TEX11: variants seen among roughly 807,000 people sequenced by gnomAD.
TEX11 encodes the protein testis-expressed protein 11.
In TEX11, 7 loss-of-function variants were observed where a neutral mutation model predicts 84.4. That is an observed-to-expected ratio of 0.08 (90% CI 0.05 to 0.16). The LOEUF (loss-of-function observed/expected upper bound fraction) is 0.16, where lower values mean the gene tolerates loss of function less well. TEX11 is among the 10% of genes least tolerant of loss of function. TEX11 has a pLI of 1.00. For missense variants in TEX11, 551 were observed against 660.5 expected (o/e 0.83, Z 1.82); for synonymous variants, 264 against 222.8 (o/e 1.18, Z -1.64).
intron 22 of TEX11, 104 bp from the exon 23 acceptor site, chrX:70,607,133 A>T: frequency 8.8e-6 from 5 of 570,631 alleles, no homozygotes; most frequent in Non-Finnish European, 5.3e-6. Flanking sequence ...ATATTAACAT[A>T]CTAGTAAGGG....
intron 20 of TEX11, among the ~76,000 whole-genome samples, chrX:70,616,821 A>C (rs1416444747): frequency 1.8e-5 from 2 of 111,532 alleles, no homozygotes; most frequent in African/African-American, 3.3e-5. Context: ...GGAGCCAAAA[A>C]TTAAAACAAT....
At chrX:70,560,375 C>G (rs1473941807) in intron 25 of TEX11, among the ~76,000 whole-genome samples, 1 of 110,843 alleles carries the variant, frequency 9.0e-6, no homozygotes, top group African/African-American at 3.3e-5. Flanking sequence ...GTCTCGAACT[C>G]CCAACCTCAG....
chrX:70,779,468 G>T (rs1278247231), intron 9 of TEX11, among the ~76,000 whole-genome samples: 1 of 91,427 alleles, frequency 1.1e-5, no homozygotes, highest in Non-Finnish European at 2.2e-5. Flanking sequence ...CATCAAAAAA[G>T]AAATATCTCA....
chrX:70,816,317 T>A (rs143199830), intron 8 of TEX11, among the ~76,000 whole-genome samples: 286 of 112,327 alleles, frequency 2.5e-3, no homozygotes, highest in African/African-American at 8.6e-3. Flanking sequence ...CAGTGGCCAC[T>A]TGAATAACAG....
In TEX11 at chrX:70,749,908, C is replaced by G. The variant is rs189676402; in HGVS notation, c.693-5689G>C. On this transcript the variant is annotated intron_variant, in intron 9 of 29. Coordinates refer to ENST00000374333, the MANE Select transcript of TEX11 (RefSeq NM_031276.3). ...CTTTTTTTGTTGTGTCTCTGCCTGG[C>G]TTTGGTATCAAATGGGATCTAATTA... is the stretch of plus-strand genomic sequence containing the variant. Among the ~76,000 whole-genome samples, 56 of 110,588 alleles carry G rather than the reference C, an allele frequency of 5.1e-4. No individual in the cohort carries two copies. In the East Asian group the frequency reaches 0.015, roughly 29 times the overall value.
At chrX:70,734,767 A>T (rs2090682773) in intron 11 of TEX11, among the ~76,000 whole-genome samples, 1 of 111,623 alleles carries the variant, frequency 9.0e-6, no homozygotes, top group Non-Finnish European at 1.9e-5. Context: ...TTATTTTATC[A>T]AGTAACTTCA....
intron 7 of TEX11, among the ~76,000 whole-genome samples, chrX:70,834,689 G>A (rs754150733): frequency 1.2e-3 from 127 of 108,511 alleles, no homozygotes; most frequent in African/African-American, 4.0e-3. Context: ...CCAGCTACTC[G>A]GGAGGCGGAG....
At chrX:70,839,718 T>C (rs2091430018) in intron 7 of TEX11, among the ~76,000 whole-genome samples, 1 of 110,381 alleles carries the variant, frequency 9.1e-6, no homozygotes, top group African/African-American at 3.3e-5. Flanking sequence ...TTCGAACCAA[T>C]AGCAAAGAAG....
intron 18 of TEX11, 21 bp downstream of exon 18, chrX:70,629,590 A>G (rs1478536047): frequency 8.3e-7 from 1 of 1,202,969 alleles, no homozygotes; most frequent in African/African-American, 1.7e-5. Context: ...AAAATCTAGT[A>G]GATGAATACA....
chrX:70,789,784 T>C lies in TEX11; in HGVS notation c.692+16921A>G, dbSNP rs151263501. The stretch of plus-strand genomic sequence containing the variant: ...ACTATATGATGCAGCTTTTGGGTAT[T>C]TACCCCAAATATTTGAAGTCAGTTT... On this transcript the variant is annotated intron_variant, in intron 9 of 29. Transcript: ENST00000374333. 5.5e-3 allele frequency among the ~76,000 whole-genome samples: 618 copies of C among 112,106 alleles called. 2 individuals carry two copies. Among genetic ancestry groups the C allele is most frequent in the African/African-American group, 0.018 (568 of 30,863 alleles).
At chrX:70,754,678 C>T (rs1269396765) in intron 9 of TEX11, among the ~76,000 whole-genome samples, 1 of 110,282 alleles carries the variant, frequency 9.1e-6, no homozygotes, top group Non-Finnish European at 1.9e-5. Flanking sequence ...CAAGTATGAC[C>T]CAGCACAGTC....
At chrX:70,686,783 T>C (rs1214880299) in intron 13 of TEX11, among the ~76,000 whole-genome samples, 1 of 111,440 alleles carries the variant, frequency 9.0e-6, no homozygotes, top group African/African-American at 3.3e-5. Context: ...GTGTGTCCAG[T>C]GCAATAGCTG....
intron 17 of TEX11, among the ~76,000 whole-genome samples, chrX:70,636,206 C>T (rs1386044314): frequency 1.8e-5 from 2 of 111,156 alleles, no homozygotes; most frequent in Non-Finnish European, 3.8e-5. Flanking sequence ...GCCCCACACA[C>T]TAGGCCAGCC....
At chrX:70,807,794 T>C (rs1263323514) in intron 8 of TEX11, among the ~76,000 whole-genome samples, 1 of 110,903 alleles carries the variant, frequency 9.0e-6, no homozygotes, top group Non-Finnish European at 1.9e-5. Context: ...TTAGACCTAC[T>C]ATATATTTGA....
At chrX:70,576,402 C>A (rs1041668306) in intron 25 of TEX11, among the ~76,000 whole-genome samples, 2 of 112,183 alleles carry the variant, frequency 1.8e-5, no homozygotes, top group African/African-American at 6.5e-5. Context: ...TCTCAAGAAA[C>A]AAACCTTTAA....
chrX:70,528,788 G>A (rs1346295519), downstream of TEX11, among the ~76,000 whole-genome samples: 1 of 111,408 alleles, frequency 9.0e-6, no homozygotes, highest in Admixed American at 9.6e-5. Flanking sequence ...AGCACTTTGG[G>A]AATAAAATGC....
intron 8 of TEX11, among the ~76,000 whole-genome samples, chrX:70,823,295 T>C (rs895372882): frequency 1.8e-5 from 2 of 111,048 alleles, no homozygotes; most frequent in Non-Finnish European, 3.8e-5. Context: ...GTTTCAGTTA[T>C]ATAAGATGAA....
chrX:70,514,076 A>C, the TEX11 span, among the ~76,000 whole-genome samples: 1 of 109,431 alleles, frequency 9.1e-6, no homozygotes, highest in Non-Finnish European at 1.9e-5. Flanking sequence ...TGGTGACCTC[A>C]TATGGTTCAA....
rs916157190 is a variant in TEX11, at chrX:70,589,185, A to G, written c.2140+2566T>C. On this transcript the variant is annotated intron_variant, in intron 25 of 29. Transcript: ENST00000374333. The stretch of plus-strand genomic sequence containing the variant: ...TTTTACCACAAAACTTTCATGAAAT[A>G]ATGTACTGTTTTCCAATAGGGAATT... Among the ~76,000 whole-genome samples the G allele has an allele frequency of 4.5e-5, 5 of 110,697 alleles. No homozygotes were observed. The South Asian group carries it at 1.2e-3, about 26-fold the overall frequency.
Sources: gnomAD v4.1 joint callset for allele counts (sites outside exome capture counted in the v4.1 genomes callset) on GRCh38, gnomAD v4.1.1 for gene constraint, MANE v1.5 for transcripts, NCBI Gene and HGNC (gene_info 2026-07-23, HGNC 2026-07-21) for gene names.